Variants in SLC35F5 observed in about 807,000 individuals in gnomAD.
SLC35F5 encodes the protein solute carrier family 35 member F5.
SLC35F5 carries 54 observed loss-of-function variants against 68.6 expected under a neutral mutation model. The observed-to-expected ratio is 0.79, with a 90% CI of 0.63 to 0.99. The LOEUF (loss-of-function observed/expected upper bound fraction) is 0.99, where lower values mean the gene tolerates loss of function less well. SLC35F5 is among the 50% of genes least tolerant of loss of function. The pLI is 0.00. For missense variants in SLC35F5, 567 were observed against 626.9 expected (o/e 0.90, Z 1.02); for synonymous variants, 211 against 205.2 (o/e 1.03, Z -0.24).
rs1369386898 is a variant in SLC35F5, at chr2:113,713,135, G to C, written c.*2083C>G. 1 of 152,202 alleles carries C rather than the reference G, an allele frequency of 6.6e-6. No homozygotes were observed. Among genetic ancestry groups the C allele is most frequent in the Non-Finnish European group, 1.5e-5 (1 of 68,046 alleles). The allele number at this position is 152,202 out of a possible 1,614,324, so 9.4% of individuals were successfully genotyped here. On this transcript the variant is annotated 3_prime_UTR_variant, in exon 16 of 16. Coordinates refer to ENST00000245680, the MANE Select transcript of SLC35F5 (RefSeq NM_025181.5). ...AAAACCTGTGAGAAAAAGCAAACAGGTGGGCAAGCAAAGCGGCAGTGATTC... is the reference window on the plus strand; with the variant it reads ...AAAACCTGTGAGAAAAAGCAAACAGCTGGGCAAGCAAAGCGGCAGTGATTC...
chr2:113,746,942 A>G (rs1357993983), intron 4 of SLC35F5, among the ~76,000 whole-genome samples: 2 of 151,640 alleles, frequency 1.3e-5, no homozygotes, highest in Non-Finnish European at 2.9e-5. Flanking sequence ...AAAAAAAAAA[A>G]AAGGTAAGAA....
chr2:113,751,911 A>C (rs1676759810), intron 3 of SLC35F5, among the ~76,000 whole-genome samples: 1 of 151,176 alleles, frequency 6.6e-6, no homozygotes, highest in Non-Finnish European at 1.5e-5. Context: ...TGGAAAGAAA[A>C]TGTTAAAGAT....
At position 113,712,147 on chromosome 2, in the gene SLC35F5, G is replaced by C. The variant is rs933044365; in HGVS notation, c.*3071C>G. Among the ~76,000 whole-genome samples, 3 of 152,172 alleles carry C rather than the reference G, an allele frequency of 2.0e-5. No homozygotes were observed. The highest frequency in any genetic ancestry group is 2.9e-5 in the Non-Finnish European group (2 of 68,032). On this transcript the variant is annotated 3_prime_UTR_variant, in exon 16 of 16. Transcript: ENST00000245680. The stretch of plus-strand genomic sequence containing the variant: ...TTCTACAAGAACAATGAACTTATTT[G>C]TCAGCTGCCAGGGGGAAAATCAGCT...
At chr2:113,751,475 T>C (rs1317628998) in intron 3 of SLC35F5, among the ~76,000 whole-genome samples, 1 of 152,192 alleles carries the variant, frequency 6.6e-6, no homozygotes, top group African/African-American at 2.4e-5. Flanking sequence ...AGTGCAACTC[T>C]AGGACGTAAA....
downstream of SLC35F5, among the ~76,000 whole-genome samples, chr2:113,702,743 A>G (rs1686721401): frequency 1.3e-5 from 2 of 152,226 alleles, no homozygotes; most frequent in Non-Finnish European, 1.5e-5. Flanking sequence ...AACATTTAAC[A>G]TACTCATTGG....
intron 10 of SLC35F5, 103 bp downstream of exon 10, chr2:113,731,480 AC>A (rs1309142205): frequency 4.1e-6 from 3 of 727,868 alleles, no homozygotes; most frequent in Non-Finnish European, 6.8e-6. Flanking sequence ...AAAAAAACCC[AC>A]CCTGCTAGTG....
Position 113,755,309 on chromosome 2 carries a change from G to T in SLC35F5, c.132-3C>A. 6.2e-7 allele frequency: 1 copy of T among 1,613,744 alleles called. No individual in the cohort carries two copies. Among genetic ancestry groups the T allele is most frequent in the Non-Finnish European group, 8.5e-7 (1 of 1,179,770 alleles). On this transcript the variant is annotated splice_region_variant and splice_polypyrimidine_tract_variant and intron_variant, in intron 2 of 15. Coordinates refer to ENST00000245680, the MANE Select transcript of SLC35F5 (RefSeq NM_025181.5). ...CAAATACACACACCATTTGCAGTCT[G>T]TTTTTTAGAAAATACAGATCACATT...
At chr2:113,722,084 C>G (rs1180766110) in intron 13 of SLC35F5, among the ~76,000 whole-genome samples, 1 of 148,766 alleles carries the variant, frequency 6.7e-6, no homozygotes, top group Non-Finnish European at 1.5e-5. Flanking sequence ...AAGTGATTCT[C>G]CTGCCTCAGC....
rs767414905 is a variant in SLC35F5, at chr2:113,743,760, T to C, written c.515A>G (p.Asp172Gly). The C allele has an allele frequency of 1.9e-6, 3 of 1,611,516 alleles. No individual in the cohort carries two copies. Among genetic ancestry groups the C allele is most frequent in the Non-Finnish European group, 2.5e-6 (3 of 1,178,722 alleles). Residue 172 changes from aspartate to glycine, a missense_variant, in exon 6 of 16, where the codon GAT (aspartate) becomes GGT (glycine). Asp to Gly is a moderately conservative substitution (Grantham distance 94). Coordinates refer to ENST00000245680, the MANE Select transcript of SLC35F5 (RefSeq NM_025181.5). ...GCTCTCAGGTTTTTCACTTGGAAGATCATGGAATTTCACAGGCACATACAG... is the reference window on the plus strand; with the variant it reads ...GCTCTCAGGTTTTTCACTTGGAAGACCATGGAATTTCACAGGCACATACAG... ...EPLYVPVKFH[D>G]LPSEKPESTN...
At position 113,728,998 on chromosome 2, in the gene SLC35F5, T is replaced by C. The variant is rs180771456; in HGVS notation, c.1090+403A>G. Among the ~76,000 whole-genome samples, 257 of 152,328 alleles carry C rather than the reference T, an allele frequency of 1.7e-3. 7 individuals are homozygous for C. The highest frequency in any genetic ancestry group is 1.8e-4 in the Non-Finnish European group (12 of 68,018). ...CATAAGTACATAGACTGCGACAGCA[T>C]TAAACATATAATTCGGGGGCAGTCT... On this transcript the variant is annotated intron_variant, in intron 11 of 15. Coordinates refer to ENST00000245680, the MANE Select transcript of SLC35F5 (RefSeq NM_025181.5).
Position 113,735,859 on chromosome 2 carries a change from C to T in SLC35F5, c.751-1G>A. The T allele has an allele frequency of 2.5e-6, 4 of 1,603,396 alleles. No individual in the cohort carries two copies. The highest frequency in any genetic ancestry group is 3.4e-6 in the Non-Finnish European group (4 of 1,173,342). Reference sequence around the variant, plus strand: ...GATATGACAAATTTGCCAAAAACCACTAAAGAAAAAGAAAACCAAAGTGAA... The same window carrying T: ...GATATGACAAATTTGCCAAAAACCATTAAAGAAAAAGAAAACCAAAGTGAA... On this transcript the variant is annotated splice_acceptor_variant, in intron 7 of 15. Coordinates refer to ENST00000245680, the MANE Select transcript of SLC35F5 (RefSeq NM_025181.5). LOFTEE classifies it high-confidence loss of function.
At chr2:113,725,348 G>T in intron 12 of SLC35F5, 30 bp downstream of exon 12, 2 of 1,567,274 alleles carry the variant, frequency 1.3e-6, no homozygotes, top group South Asian at 1.2e-5. Context: ...TTAATCAACT[G>T]ATAATAATTG....
In SLC35F5 at chr2:113,711,463, A is replaced by C. The variant is rs933194921; in HGVS notation, c.*3755T>G. Among the ~76,000 whole-genome samples, 1 of 152,220 alleles carries C rather than the reference A, an allele frequency of 6.6e-6. No individual in the cohort carries two copies. The highest frequency in any genetic ancestry group is 1.5e-5 in the Non-Finnish European group (1 of 68,032). On this transcript the variant is annotated 3_prime_UTR_variant, in exon 16 of 16. Coordinates refer to ENST00000245680, the MANE Select transcript of SLC35F5 (RefSeq NM_025181.5). ...TTTCCTGTGCACATACAATGTACCT[A>C]TGAAATACTGTATTATTAGTTATTG...
At chr2:113,704,568 C>G (rs1686761463), downstream of SLC35F5, among the ~76,000 whole-genome samples, 1 of 152,130 alleles carries the variant, frequency 6.6e-6, no homozygotes, top group African/African-American at 2.4e-5. Context: ...GCAGCTAAGG[C>G]CCGGCGAGAA....
At chr2:113,756,146 C>A in intron 1 of SLC35F5, 2 of 1,447,138 alleles carry the variant, frequency 1.4e-6, no homozygotes, top group Non-Finnish European at 9.1e-7. Flanking sequence ...CGACGCCTCC[C>A]CGGGGAGCCG....
chr2:113,746,871 G>C lies in SLC35F5; in HGVS notation c.418-532C>G, dbSNP rs138169886. 8.7e-3 allele frequency among the ~76,000 whole-genome samples: 1,317 copies of C among 150,990 alleles called. 22 individuals are homozygous for C. Among genetic ancestry groups the C allele is most frequent in the African/African-American group, 0.03 (1,249 of 41,012 alleles). ...TAACTCTGAAGGTGGAGGTTGCAGT[G>C]AGCCAAGATTGTGCCATTGCACTCC... is the stretch of plus-strand genomic sequence containing the variant. On this transcript the variant is annotated intron_variant, in intron 4 of 15. Transcript: ENST00000245680.
intron 4 of SLC35F5, among the ~76,000 whole-genome samples, chr2:113,747,969 G>A (rs1484998600): frequency 1.3e-5 from 2 of 152,162 alleles, no homozygotes; most frequent in South Asian, 2.1e-4. Flanking sequence ...GCGGGCACCT[G>A]TAATCCCAGC....
chr2:113,704,130 G>C (rs1246068894), downstream of SLC35F5: 1 of 152,374 alleles, frequency 6.6e-6, no homozygotes, highest in Non-Finnish European at 1.5e-5. Context: ...AAAAGCGAAA[G>C]AACAAAGCTC....
intron 1 of SLC35F5, chr2:113,755,858 T>C (rs988479522): frequency 7.1e-6 from 11 of 1,550,560 alleles, no homozygotes; most frequent in Non-Finnish European, 9.6e-6. Context: ...CATTCACCTC[T>C]CCATCCAGAG....
Sources: gnomAD v4.1 joint callset for allele counts (sites outside exome capture counted in the v4.1 genomes callset) on GRCh38, gnomAD v4.1.1 for gene constraint, MANE v1.5 for transcripts, NCBI Gene and HGNC (gene_info 2026-07-23, HGNC 2026-07-21) for gene names.